Variants in MXD3 observed in about 807,000 individuals in gnomAD.
MXD3 encodes MAX dimerization protein 3.
MXD3 carries 20 observed loss-of-function variants against 27.5 expected under a neutral mutation model. The observed-to-expected ratio is 0.73, with a 90% CI of 0.51 to 1.06. The LOEUF (loss-of-function observed/expected upper bound fraction) is 1.06. Among genes scored for constraint, MXD3 ranks in the 50% least tolerant of loss-of-function variants. MXD3 has a pLI of 0.00. For missense variants in MXD3, 298 were observed against 291.3 expected (o/e 1.02, Z -0.17); for synonymous variants, 150 against 130.7 (o/e 1.15, Z -1.01).
chr5:177,308,418 G>A (rs1581590095), intron 4 of MXD3, among the ~76,000 whole-genome samples: 1 of 151,954 alleles, frequency 6.6e-6, no homozygotes, highest in South Asian at 2.1e-4. Flanking sequence ...TGTCGCCCAG[G>A]CTGGAGTGCA....
upstream of MXD3, chr5:177,312,715 C>T: frequency 1.0e-6 from 1 of 985,508 alleles, no homozygotes; most frequent in Non-Finnish European, 1.2e-6. Context: ...TAACAGCTTC[C>T]TCAGGCAGGC....
At chr5:177,310,857 G>T in intron 2 of MXD3, 160 bp from the exon 3 acceptor site, 1 of 777,100 alleles carries the variant, frequency 1.3e-6, no homozygotes, top group Middle Eastern at 3.3e-4. Context: ...CCCCTGGCAG[G>T]GCGAGGGGAG....
chr5:177,306,403 C>T, downstream of MXD3: 1 of 1,613,874 alleles, frequency 6.2e-7, no homozygotes, highest in South Asian at 1.1e-5. Context: ...TAAAGGCAGC[C>T]ACCTGCCGTT....
At chr5:177,312,422 C>T (rs1761060776), upstream of MXD3, 1 of 985,550 alleles carries the variant, frequency 1.0e-6, no homozygotes, top group African/African-American at 1.7e-5. Context: ...CCTCTCCCGC[C>T]GCTGATCCAC....
Position 177,308,735 on chromosome 5 carries a change from G to A in MXD3, c.322-771C>T, listed in dbSNP as rs186980975. On this transcript the variant is annotated intron_variant, in intron 4 of 5. Transcript: ENST00000439742. ...TTTTTCATGTCAAATGTCTTTTGAG[G>A]GATTGACAGCTAATTTAAATTTTTA... Among the ~76,000 whole-genome samples, 467 of 152,250 alleles carry A rather than the reference G, an allele frequency of 3.1e-3. 2 individuals are homozygous for A. The highest frequency in any genetic ancestry group is 0.01 in the African/African-American group (435 of 41,516).
At chr5:177,312,516 G>A (rs1174123611), upstream of MXD3, 2 of 985,334 alleles carry the variant, frequency 2.0e-6, no homozygotes, top group African/African-American at 3.5e-5. Context: ...GGGCCTCAAT[G>A]CGCAGGCGCC....
rs776251243 is a variant in MXD3, at chr5:177,311,774, C to T, written c.57G>A (p.Glu19=). 4 of 1,613,168 alleles carry T rather than the reference C, an allele frequency of 2.5e-6. No homozygotes were observed. In the East Asian group the frequency reaches 8.9e-5, roughly 36 times the overall value. ...GTCCTTCCTCACCTCTCTCACGGCG[C>T]TCCAGGAACTCGGCCGCCTGCAGCA... ...QVLLQAAEFL[E]RREREAEHGY... The change falls in exon 1 of 6, where the codon GAG becomes GAA. Residue 19 remains glutamate, a synonymous_variant. Coordinates refer to ENST00000439742, the MANE Select transcript of MXD3 (RefSeq NM_031300.4).
Position 177,311,409 on chromosome 5 carries a change from G to C in MXD3, c.146C>G (p.Pro49Arg), listed in dbSNP as rs1255082430. ...GPIHRRKKRP[P>R]QAPGAQDSGR... ...GCTGTCCTGCGCGCCAGGAGCCTGG[G>C]GGGGTCGCTTCTTCCTCCTGTGGAT... is the stretch of plus-strand genomic sequence containing the variant. Residue 49 changes from proline (P) to arginine (R), a missense_variant, in exon 2 of 6, where the codon CCC becomes CGC. Pro to Arg is a moderately radical substitution (Grantham distance 103). Coordinates refer to ENST00000439742, the MANE Select transcript of MXD3 (RefSeq NM_031300.4). The C allele has an allele frequency of 6.9e-7, 1 of 1,442,908 alleles. No individual in the cohort carries two copies. Among genetic ancestry groups the C allele is most frequent in the Admixed American group, 3.5e-5 (1 of 28,654 alleles). The allele number at this position is 1,442,908 out of a possible 1,614,324, so 89.4% of individuals were successfully genotyped here.
At chr5:177,306,941 T>C (rs912400931), downstream of MXD3, 3 of 916,726 alleles carry the variant, frequency 3.3e-6, no homozygotes, top group African/African-American at 3.4e-5. Context: ...TAAATACTTG[T>C]TGAATTCAGT....
downstream of MXD3, chr5:177,305,883 C>T (rs1490425835): frequency 2.5e-6 from 4 of 1,613,700 alleles, no homozygotes; most frequent in African/African-American, 1.3e-5. Context: ...GGTGGAGGAA[C>T]GATGTGTTTA....
chr5:177,310,536 C>G lies in MXD3; in HGVS notation c.211G>C (p.Ala71Pro). The part of the protein sequence containing the change: ...VHNELEKRRR[A>P]QLKRCLERLK... Reference sequence around the variant, plus strand: ...CGCTCCAGGCACCGCTTCAACTGGGCCCTCCTGTGGGGAAGAGGTCTGGAG... The same window carrying G: ...CGCTCCAGGCACCGCTTCAACTGGGGCCTCCTGTGGGGAAGAGGTCTGGAG... Residue 71 changes from alanine (A) to proline (P), a missense_variant, in exon 4 of 6, where the codon GCC (alanine) becomes CCC (proline). Transcript: ENST00000439742. 1.2e-6 allele frequency: 2 copies of G among 1,611,034 alleles called. No individual in the cohort carries two copies. The highest frequency in any genetic ancestry group is 1.7e-6 in the Non-Finnish European group (2 of 1,178,578).
upstream of MXD3, chr5:177,312,365 G>T (rs898467956): frequency 8.1e-6 from 8 of 985,712 alleles, no homozygotes; most frequent in African/African-American, 1.2e-4. Flanking sequence ...TCCTCGGGGC[G>T]GGGTCGGGGA....
intron 4 of MXD3, among the ~76,000 whole-genome samples, chr5:177,309,592 C>CAT (rs1330673111): frequency 6.6e-6 from 1 of 152,260 alleles, no homozygotes; most frequent in Non-Finnish European, 1.5e-5. Context: ...ACTAACAGCG[C>CAT]ATAGGTCTTT....
downstream of MXD3, chr5:177,305,709 T>C: frequency 1.6e-6 from 1 of 637,300 alleles, no homozygotes; most frequent in African/African-American, 1.8e-5. Flanking sequence ...CGACCTTATT[T>C]ATGGCTTCTT....
Position 177,307,973 on chromosome 5 carries a change from C to G in MXD3, c.322-9G>C. 6.5e-7 allele frequency: 1 copy of G among 1,532,578 alleles called. No individual in the cohort carries two copies. Among genetic ancestry groups the G allele is most frequent in the Admixed American group, 1.9e-5 (1 of 51,402 alleles). 94.9% of individuals were successfully genotyped at this position (1,532,578 alleles called of 1,614,324 possible). ...TCCTGATCCTCCAGCTTCTGCGGAT[C>G]CCAAAGGAGCAAGGGGCTGGGGTCA... On this transcript the variant is annotated splice_polypyrimidine_tract_variant and intron_variant, in intron 4 of 5. Coordinates refer to ENST00000439742, the MANE Select transcript of MXD3 (RefSeq NM_031300.4).
At chr5:177,312,281 G>C (rs986701678), upstream of MXD3, 2 of 986,502 alleles carry the variant, frequency 2.0e-6, no homozygotes, top group Admixed American at 6.1e-5. Context: ...CGCTGCACGT[G>C]GGTGCCGCGG....
rs1761013923 is a variant in MXD3 at position 177,310,686 on chromosome 5, T to C, written c.188A>G (p.Asn63Ser). The C allele has an allele frequency of 6.2e-7, 1 of 1,614,072 alleles. No homozygotes were observed. The highest frequency in any genetic ancestry group is 1.7e-5 in the Admixed American group (1 of 60,006). ...GAQDSGRSVHNELEKRRRAQL... is the reference protein window; with the variant it reads ...GAQDSGRSVHSELEKRRRAQL... ...GACTCACCTGCGCTTCTCCAGTTCA[T>C]TGTGCACTGACCTGCCAATGCCAGA... Residue 63 changes from asparagine to serine, a missense_variant, in exon 3 of 6, where the codon AAT (asparagine) becomes AGT (serine). Transcript: ENST00000439742.
Position 177,307,930 on chromosome 5 carries a change from A to G in MXD3, c.356T>C (p.Leu119Pro). 1 of 1,585,536 alleles carries G rather than the reference A, an allele frequency of 6.3e-7. No individual in the cohort carries two copies. Among genetic ancestry groups the G allele is most frequent in the Non-Finnish European group, 8.6e-7 (1 of 1,165,824 alleles). Residue 119 changes from leucine to proline, a missense_variant, in exon 5 of 6, where the codon CTC becomes CCC. By Grantham distance (98) the Leu-to-Pro change is moderately conservative. Transcript: ENST00000439742. ...LEDQEQRARQLKERLRSKQQS... is the reference protein window; with the variant it reads ...LEDQEQRARQPKERLRSKQQS... Reference sequence around the variant, plus strand: ...CTGCTTGCTGCGCAGCCTCTCCTTGAGCTGTCGGGCCCGCTGCTCCTGATC... The same window carrying G: ...CTGCTTGCTGCGCAGCCTCTCCTTGGGCTGTCGGGCCCGCTGCTCCTGATC...
At chr5:177,305,694 C>G (rs1212984501), downstream of MXD3, 5 of 616,440 alleles carry the variant, frequency 8.1e-6, no homozygotes, top group Non-Finnish European at 1.4e-5. Context: ...TTTTCGAGAG[C>G]AAAACGACCT....
Sources: allele counts gnomAD v4.1 joint callset (sites outside exome capture counted in the v4.1 genomes callset), GRCh38; gene constraint gnomAD v4.1.1; transcripts MANE v1.5; gene names NCBI Gene and HGNC (gene_info 2026-07-23, HGNC 2026-07-21).